The following LDLRAD4 variants were observed in gnomAD, a reference collection of about 807,000 sequenced individuals.
The protein encoded by LDLRAD4 is low density lipoprotein receptor class A domain containing 4, also known as low-density lipoprotein receptor class A domain-containing protein 4.
In LDLRAD4, 5 loss-of-function variants were observed where a neutral mutation model predicts 17.0. That is an observed-to-expected ratio of 0.29 (90% CI 0.15 to 0.62). LDLRAD4 has a LOEUF of 0.62. LDLRAD4 is among the 20% of genes least tolerant of loss of function. The pLI, the probability that LDLRAD4 is intolerant of heterozygous loss-of-function variation, is 0.84. For missense variants in LDLRAD4, 340 were observed against 424.7 expected (o/e 0.80, Z 1.75); for synonymous variants, 168 against 171.8 (o/e 0.98, Z 0.17).
In LDLRAD4 at chr18:13,430,103, C is replaced by T. The variant is rs559969678; in HGVS notation, c.41-8141C>T. 5.3e-5 allele frequency among the ~76,000 whole-genome samples: 8 copies of T among 152,122 alleles called. No individual in the cohort carries two copies. In the East Asian group the frequency reaches 9.7e-4, roughly 18 times the overall value. ...GACTGACCAGAGGGAAAGAGCCTCC[C>T]GGCCCAGCCTTCACCACACCTGAGG... On this transcript the variant is annotated intron_variant, in intron 2 of 5. Coordinates refer to ENST00000359446, the Ensembl canonical transcript of LDLRAD4.
intron 1 of LDLRAD4, among the ~76,000 whole-genome samples, chr18:13,357,050 C>A (rs576580438): frequency 6.6e-6 from 1 of 152,098 alleles, no homozygotes; most frequent in African/African-American, 2.4e-5. Context: ...AGGAGAATGG[C>A]GTGAACCCAG....
intron 3 of LDLRAD4, among the ~76,000 whole-genome samples, chr18:13,455,537 CAG>C (rs59218152): frequency 0.4 from 60,825 of 151,914 alleles, 13,645 homozygotes; most frequent in Non-Finnish European, 0.5. Flanking sequence ...ACACTAGGAG[CAG>C]CTCAGCATCC....
intron 1 of LDLRAD4, among the ~76,000 whole-genome samples, chr18:13,256,406 T>C (rs958086678): frequency 6.6e-6 from 1 of 152,234 alleles, no homozygotes; most frequent in East Asian, 1.9e-4. Context: ...GTTAGGAATG[T>C]GGTCTCAGCC....
chr18:13,639,126 A>G (rs2042310949), intron 4 of LDLRAD4, among the ~76,000 whole-genome samples: 1 of 152,210 alleles, frequency 6.6e-6, no homozygotes, highest in African/African-American at 2.4e-5. Context: ...TTCACAGCTT[A>G]TTTTGAGTGA....
chr18:13,391,024 A>C (rs1489886902), intron 2 of LDLRAD4, among the ~76,000 whole-genome samples: 1 of 152,104 alleles, frequency 6.6e-6, no homozygotes, highest in Non-Finnish European at 1.5e-5. Context: ...CTTTAGAAGG[A>C]GGCGCTCAGG....
intron 3 of LDLRAD4, among the ~76,000 whole-genome samples, chr18:13,584,524 G>A (rs565831567): frequency 2.0e-5 from 3 of 152,082 alleles, no homozygotes; most frequent in South Asian, 2.1e-4. Context: ...TGTTCCCCTC[G>A]GTGACTAGCA....
At chr18:13,340,338 C>CGG (rs2082309265) in intron 1 of LDLRAD4, among the ~76,000 whole-genome samples, 1 of 152,166 alleles carries the variant, frequency 6.6e-6, no homozygotes, top group African/African-American at 2.4e-5. Flanking sequence ...TTTTGAGGAA[C>CGG]TTCCATACTG....
intron 3 of LDLRAD4, among the ~76,000 whole-genome samples, chr18:13,509,786 T>G (rs1340471477): frequency 6.6e-6 from 1 of 152,142 alleles, no homozygotes; most frequent in Non-Finnish European, 1.5e-5. Context: ...TTTTCTTATT[T>G]TAAGAAATTG....
chr18:13,388,889 T>G (rs2086041741), intron 2 of LDLRAD4, among the ~76,000 whole-genome samples: 1 of 152,248 alleles, frequency 6.6e-6, no homozygotes, highest in South Asian at 2.1e-4. Context: ...ACATGGGGTC[T>G]CAGTGACAGT....
chr18:13,293,493 G>T (rs1036669397), intron 1 of LDLRAD4, among the ~76,000 whole-genome samples: 1 of 152,194 alleles, frequency 6.6e-6, no homozygotes, highest in South Asian at 2.1e-4. Context: ...GCAAACCTAT[G>T]CAAACCCCAT....
intron 3 of LDLRAD4, among the ~76,000 whole-genome samples, chr18:13,617,979 G>A (rs117936234): frequency 2.0e-5 from 3 of 152,204 alleles, no homozygotes; most frequent in Non-Finnish European, 4.4e-5. Flanking sequence ...ACTTTTAGGA[G>A]TCTTTCCTAC....
chr18:13,393,310 A>G (rs2086417049), intron 2 of LDLRAD4, among the ~76,000 whole-genome samples: 6 of 152,222 alleles, frequency 3.9e-5, no homozygotes, highest in Admixed American at 3.9e-4. Flanking sequence ...TCTTTACTAC[A>G]GAACTTTTCA....
intron 1 of LDLRAD4, among the ~76,000 whole-genome samples, chr18:13,219,528 A>G (rs1022125807): frequency 6.6e-6 from 1 of 152,172 alleles, no homozygotes; most frequent in Non-Finnish European, 1.5e-5. Flanking sequence ...TTGAGGGCCT[A>G]CTATGTGTTA....
intron 1 of LDLRAD4, among the ~76,000 whole-genome samples, chr18:13,314,849 G>C (rs2080843028): frequency 6.6e-6 from 1 of 152,190 alleles, no homozygotes; most frequent in Non-Finnish European, 1.5e-5. Flanking sequence ...CAAGGCATTT[G>C]CTGATGTGTT....
chr18:13,576,407 G>A (rs1429504616), intron 3 of LDLRAD4, among the ~76,000 whole-genome samples: 2 of 134,406 alleles, frequency 1.5e-5, no homozygotes, highest in African/African-American at 5.7e-5. Context: ...GGGGGACAGA[G>A]CGAGACTCTG....
chr18:13,630,676 C>T (rs937147129), intron 4 of LDLRAD4, among the ~76,000 whole-genome samples: 1 of 152,158 alleles, frequency 6.6e-6, no homozygotes, highest in Non-Finnish European at 1.5e-5. Flanking sequence ...CAGTTTCCCC[C>T]CATCTAAAAT....
intron 1 of LDLRAD4, among the ~76,000 whole-genome samples, chr18:13,237,738 A>AC (rs2145615099): frequency 6.6e-6 from 1 of 151,934 alleles, no homozygotes; most frequent in East Asian, 1.9e-4. Context: ...CCCATGGAGA[A>AC]CCCCCTTCAT....
At position 13,316,453 on chromosome 18, in the gene LDLRAD4, A is replaced by G. The variant is rs550961878; in HGVS notation, c.-383+38265A>G. On this transcript the variant is annotated intron_variant, in intron 1 of 5. Coordinates refer to ENST00000359446, the Ensembl canonical transcript of LDLRAD4. ...CAGAAGAACTATAGTAGAAGAAATT[A>G]TTAGGGAAATTCTTCAGGCGGAAGG... 2.0e-5 allele frequency among the ~76,000 whole-genome samples: 3 copies of G among 152,330 alleles called. No individual in the cohort carries two copies. The South Asian group carries it at 6.2e-4, about 32-fold the overall frequency.
intron 1 of LDLRAD4, among the ~76,000 whole-genome samples, chr18:13,301,803 G>A (rs952798222): frequency 5.9e-5 from 9 of 152,314 alleles, no homozygotes; most frequent in East Asian, 5.8e-4. Context: ...GGGACCAGGC[G>A]TCCTCTGTCC....
Sources: gnomAD v4.1 joint callset for allele counts (sites outside exome capture counted in the v4.1 genomes callset) on GRCh38, gnomAD v4.1.1 for gene constraint, MANE v1.5 for transcripts, NCBI Gene and HGNC (gene_info 2026-07-23, HGNC 2026-07-21) for gene names.